The following DOCK7 variants were observed in gnomAD, a reference collection of about 807,000 sequenced individuals.
The protein encoded by DOCK7 is dedicator of cytokinesis 7, also known as dedicator of cytokinesis protein 7.
In DOCK7, 138 loss-of-function variants were observed where a neutral mutation model predicts 271.0. The ratio of observed to expected loss-of-function variants is 0.51; its 90% CI spans 0.44 to 0.59. DOCK7 has a LOEUF of 0.59. DOCK7 is among the 20% of genes least tolerant of loss of function. The pLI is 0.00. For synonymous variants in DOCK7, 823 were observed against 876.1 expected (o/e 0.94, Z 1.07); for missense variants, 2,066 against 2,592.4 (o/e 0.80, Z 4.41).
intron 29 of DOCK7, among the ~76,000 whole-genome samples, chr1:62,530,318 G>A (rs910208400): frequency 1.3e-5 from 2 of 152,022 alleles, no homozygotes; most frequent in Non-Finnish European, 2.9e-5. Flanking sequence ...TTTCCTTTTT[G>A]TCTCAGAAAA....
chr1:62,492,929 A>C lies in DOCK7; in HGVS notation c.5218-82T>G, dbSNP rs966800119. ...GTATAAGAAGAAATAACTGAAGATG[A>C]ACTGTAACTATCAGGTTAGGTTAAA... On this transcript the variant is annotated intron_variant, in intron 40 of 49. Transcript: ENST00000635253. 2.6e-6 allele frequency: 3 copies of C among 1,157,250 alleles called. No individual in the cohort carries two copies. The African/African-American group carries it at 4.7e-5, about 18-fold the overall frequency. The allele number at this position is 1,157,250 out of a possible 1,614,324, so 71.7% of individuals were successfully genotyped here.
At chr1:62,557,969 T>C (rs1646200801) in intron 20 of DOCK7, among the ~76,000 whole-genome samples, 1 of 152,048 alleles carries the variant, frequency 6.6e-6, no homozygotes. Context: ...TTTTAAGTCA[T>C]CTCTACATAG....
intron 1 of DOCK7, among the ~76,000 whole-genome samples, chr1:62,683,396 A>T (rs1661385023): frequency 6.6e-6 from 1 of 152,244 alleles, no homozygotes; most frequent in African/African-American, 2.4e-5. Context: ...AACACATACA[A>T]GACTAAAAAC....
chr1:62,505,939 A>C (rs1646924345), intron 35 of DOCK7, 123 bp from the exon 36 acceptor site: 2 of 918,266 alleles, frequency 2.2e-6, no homozygotes, highest in Non-Finnish European at 1.5e-6. Context: ...TTAAAAGATA[A>C]AAAAATGATA....
rs935759852 is a variant in DOCK7, at chr1:62,457,310, G to A, written c.6380+228C>T. ...TTCCAATATCAGAGACTTTTTAAGC[G>A]CTGACATGATGCTCAAAGGAAATGC... On this transcript the variant is annotated intron_variant, in intron 49 of 49. Coordinates refer to ENST00000635253, the MANE Select transcript of DOCK7 (RefSeq NM_001367561.1). Among the ~76,000 whole-genome samples the A allele has an allele frequency of 3.3e-5, 5 of 152,080 alleles. No homozygotes were observed. In the East Asian group the frequency reaches 5.8e-4, roughly 18 times the overall value.
At chr1:62,559,865 T>C (rs1227390954) in intron 19 of DOCK7, among the ~76,000 whole-genome samples, 5 of 152,164 alleles carry the variant, frequency 3.3e-5, no homozygotes, top group African/African-American at 7.2e-5. Context: ...CCTCAAACGT[T>C]TGTGCAAAAC....
At chr1:62,546,244 G>A (rs1048911874) in intron 22 of DOCK7, among the ~76,000 whole-genome samples, 5 of 152,126 alleles carry the variant, frequency 3.3e-5, no homozygotes, top group African/African-American at 7.2e-5. Flanking sequence ...CTGTGAGTGC[G>A]GCCCAGACAT....
intron 7 of DOCK7, 95 bp from the exon 8 acceptor site, chr1:62,636,698 G>A (rs886873992): frequency 7.5e-6 from 8 of 1,068,448 alleles, no homozygotes; most frequent in Non-Finnish European, 1.1e-5. Context: ...CACAATACTT[G>A]GCAGTTTTCT....
At chr1:62,567,815 C>G (rs889695292) in intron 18 of DOCK7, among the ~76,000 whole-genome samples, 3 of 149,548 alleles carry the variant, frequency 2.0e-5, no homozygotes, top group African/African-American at 7.4e-5. Context: ...GCAATAAACA[C>G]TATTAGCTCT....
At chr1:62,584,034 C>G (rs925308646) in intron 15 of DOCK7, 2 of 579,912 alleles carry the variant, frequency 3.4e-6, no homozygotes, top group African/African-American at 2.0e-5. Flanking sequence ...CTTTTAAAGT[C>G]TGTATAGCCA....
At chr1:62,491,367 A>G (rs977295711) in intron 41 of DOCK7, among the ~76,000 whole-genome samples, 4 of 152,252 alleles carry the variant, frequency 2.6e-5, no homozygotes, top group Non-Finnish European at 4.4e-5. Flanking sequence ...GTGCTGGTAC[A>G]CTAAACATTT....
intron 1 of DOCK7, among the ~76,000 whole-genome samples, chr1:62,681,625 A>G (rs1265107509): frequency 6.6e-6 from 1 of 152,052 alleles, no homozygotes; most frequent in Non-Finnish European, 1.5e-5. Context: ...CCCTAGAGAA[A>G]CTCATGCATA....
At chr1:62,468,562 G>C (rs1645745713) in intron 48 of DOCK7, among the ~76,000 whole-genome samples, 1 of 152,092 alleles carries the variant, frequency 6.6e-6, no homozygotes, top group Non-Finnish European at 1.5e-5. Context: ...GTCCTAGCCA[G>C]AGCAATCAGA....
chr1:62,519,754 A>T (rs998484875), intron 31 of DOCK7, among the ~76,000 whole-genome samples: 1 of 152,152 alleles, frequency 6.6e-6, no homozygotes, highest in Non-Finnish European at 1.5e-5. Flanking sequence ...ACTAAGTTGA[A>T]TAAATAAGAT....
At chr1:62,581,749 G>GA (rs994134466) in intron 16 of DOCK7, among the ~76,000 whole-genome samples, 66 of 142,984 alleles carry the variant, frequency 4.6e-4, no homozygotes, top group East Asian at 1.2e-3. Flanking sequence ...GAATACTACA[G>GA]AAAAAAAAAA....
At chr1:62,556,795 A>C (rs898982653) in intron 20 of DOCK7, among the ~76,000 whole-genome samples, 1 of 152,162 alleles carries the variant, frequency 6.6e-6, no homozygotes, top group African/African-American at 2.4e-5. Flanking sequence ...AAAGTAGAAT[A>C]ATCAGATAAA....
chr1:62,573,262 G>C (rs1488551894), intron 18 of DOCK7, among the ~76,000 whole-genome samples: 2 of 152,204 alleles, frequency 1.3e-5, no homozygotes, highest in East Asian at 3.8e-4. Flanking sequence ...CTTGGAAGAA[G>C]CTGTCAGTGC....
At position 62,494,347 on chromosome 1, in the gene DOCK7, T is replaced by C. The variant is rs1036224456; in HGVS notation, c.5145A>G (p.Ala1715=). The C allele has an allele frequency of 1.2e-6, 2 of 1,612,432 alleles. No homozygotes were observed. Among genetic ancestry groups the C allele is most frequent in the African/African-American group, 1.3e-5 (1 of 75,038 alleles). ...AEAAQCLVHS[A]ALVAEYLSML... is the part of the protein sequence containing the mutation. The stretch of plus-strand genomic sequence containing the variant: ...TGCTCAAATATTCAGCAACAAGTGC[T>C]GCTGAGTGGACTAGACACTGTGCAG... Residue 1715 remains alanine (A), a synonymous_variant, in exon 40 of 50, where the codon GCA becomes GCG. Transcript: ENST00000635253.
intron 27 of DOCK7, among the ~76,000 whole-genome samples, 181 bp downstream of exon 27, chr1:62,539,364 G>A (rs1645452398): frequency 1.3e-5 from 2 of 152,162 alleles, no homozygotes; most frequent in South Asian, 4.1e-4. Flanking sequence ...CAGTCCTTGT[G>A]TCCTGATAAA....
Sources: allele counts gnomAD v4.1 joint callset (sites outside exome capture counted in the v4.1 genomes callset), GRCh38; gene constraint gnomAD v4.1.1; transcripts MANE v1.5; gene names NCBI Gene and HGNC (gene_info 2026-07-23, HGNC 2026-07-21).